Variants in ADGRV1 observed in about 807,000 individuals in gnomAD.
The protein encoded by ADGRV1 is G-protein coupled receptor 98.
Under a neutral mutation model 596.2 loss-of-function variants are expected in ADGRV1, and 359 were observed. That is an observed-to-expected ratio of 0.60 (90% confidence interval 0.55 to 0.66). The LOEUF (loss-of-function observed/expected upper bound fraction) is 0.66, where lower values mean the gene tolerates loss of function less well. Among genes scored for constraint, ADGRV1 ranks in the 30% least tolerant of loss-of-function variants. The probability of loss-of-function intolerance (pLI) is 0.00; values close to 1 mark genes in which losing one functional copy is unlikely to be tolerated. For missense variants in ADGRV1, 7,274 were observed against 7,575.6 expected, an observed-to-expected ratio of 0.96 and a Z score of 1.48; for synonymous variants, 2,681 against 2,679.2, an observed-to-expected ratio of 1.00 and a Z score of -0.02.
chr5:91,159,999 C>T (rs1363938941), intron 89 of ADGRV1, among the ~76,000 whole-genome samples: 1 of 152,194 alleles, frequency 6.6e-6, no homozygotes, highest in Non-Finnish European at 1.5e-5. Context: ...CTTTCTTCAG[C>T]GAGGGCTTCT....
chr5:90,609,817 C>A (rs1762527971), intron 1 of ADGRV1, among the ~76,000 whole-genome samples: 1 of 151,986 alleles, frequency 6.6e-6, no homozygotes, highest in Non-Finnish European at 1.5e-5. Context: ...TCATTCAATT[C>A]TGCACTAGTA....
Position 90,637,848 on chromosome 5 carries a change from G to A in ADGRV1, c.2140G>A (p.Val714Ile). 6.2e-7 allele frequency: 1 copy of A among 1,613,654 alleles called. No individual in the cohort carries two copies. Among genetic ancestry groups the A allele is most frequent in the Non-Finnish European group, 8.5e-7 (1 of 1,179,760 alleles). ...PDDIGPFNGS[V>I]LFLSGQSDTT... is the part of the protein sequence containing the mutation. Reference sequence around the variant, plus strand: ...TGATATAGGCCCCTTTAATGGCTCTGTTTTGTTTTTATCTGGGCAAAGTGA... The same window carrying A: ...TGATATAGGCCCCTTTAATGGCTCTATTTTGTTTTTATCTGGGCAAAGTGA... Residue 714 changes from valine to isoleucine, a missense_variant, in exon 11 of 90, where the codon GTT (valine) becomes ATT (isoleucine). Transcript: ENST00000405460.
At chr5:91,142,303 G>C (rs1397270973) in intron 87 of ADGRV1, among the ~76,000 whole-genome samples, 1 of 152,124 alleles carries the variant, frequency 6.6e-6, no homozygotes, top group African/African-American at 2.4e-5. Context: ...ACAGTGAACT[G>C]GACATGGTCT....
intron 50 of ADGRV1, among the ~76,000 whole-genome samples, chr5:90,735,865 G>C (rs1217431323): frequency 2.6e-5 from 4 of 152,196 alleles, no homozygotes. Flanking sequence ...AGTTCTAAGA[G>C]TTTGTTTTAA....
chr5:90,809,048 G>T, intron 73 of ADGRV1, among the ~76,000 whole-genome samples: 1 of 150,272 alleles, frequency 6.7e-6, no homozygotes. Context: ...CCGGGTTCAC[G>T]CCATTCTCCT....
chr5:90,669,273 G>A (rs1033906396), intron 21 of ADGRV1, among the ~76,000 whole-genome samples: 1 of 152,060 alleles, frequency 6.6e-6, no homozygotes, highest in Non-Finnish European at 1.5e-5. Flanking sequence ...TTGACACCTG[G>A]GTCTCAAGCT....
At chr5:90,823,961 A>T (rs1358785736) in intron 76 of ADGRV1, among the ~76,000 whole-genome samples, 1 of 152,188 alleles carries the variant, frequency 6.6e-6, no homozygotes, top group Non-Finnish European at 1.5e-5. Flanking sequence ...AAAGAAAAAA[A>T]TGTTTATCAT....
intron 85 of ADGRV1, among the ~76,000 whole-genome samples, chr5:91,010,311 A>G (rs1379429919): frequency 6.6e-6 from 1 of 152,124 alleles, no homozygotes; most frequent in African/African-American, 2.4e-5. Flanking sequence ...ATATGAGCAC[A>G]CATCTATCCA....
At chr5:90,946,859 T>C (rs983587569) in intron 83 of ADGRV1, among the ~76,000 whole-genome samples, 1 of 152,216 alleles carries the variant, frequency 6.6e-6, no homozygotes, top group Non-Finnish European at 1.5e-5. Flanking sequence ...TTATCCAGTC[T>C]ATCATTGATG....
intron 8 of ADGRV1, 75 bp downstream of exon 8, chr5:90,628,907 A>G (rs980486744): frequency 1.2e-5 from 16 of 1,350,576 alleles, no homozygotes; most frequent in South Asian, 1.5e-5. Context: ...GGTCATACAC[A>G]TCAACTTTAT....
intron 15 of ADGRV1, 128 bp downstream of exon 15, chr5:90,644,997 A>G (rs1460211516): frequency 4.5e-6 from 3 of 671,548 alleles, no homozygotes; most frequent in East Asian, 6.0e-5. Context: ...CAGGTGTGAC[A>G]GTGTCTGACC....
rs939075962 is a variant in ADGRV1, at chr5:90,720,201, A to G, written c.9601A>G (p.Ser3201Gly). Residue 3201 changes from serine to glycine, a missense_variant, in exon 44 of 90, where the codon AGT (serine) becomes GGT (glycine). Physicochemically the swap from Ser to Gly is moderately conservative, Grantham distance 56 (BLOSUM62 0). Around this residue, in one of 5 missense-constraint regions of ADGRV1, gnomAD observed 3,643 missense variants for 3,809.2 expected, o/e 0.96. Coordinates refer to ENST00000405460, the MANE Select transcript of ADGRV1 (RefSeq NM_032119.4). ...AAACCAGGCCCCTTTGGGGCTATTC[A>G]GTATCTCTGCAGTTGAAAATAGGTA... is the stretch of plus-strand genomic sequence containing the variant. Reference protein sequence around the residue: ...LQNQAPLGLFSISAVENRATS... With the variant: ...LQNQAPLGLFGISAVENRATS... The G allele has an allele frequency of 6.3e-7, 1 of 1,583,512 alleles. No individual in the cohort carries two copies. Among genetic ancestry groups the G allele is most frequent in the Admixed American group, 1.8e-5 (1 of 56,660 alleles).
At chr5:90,605,337 CCCGGGAGG>C (rs1460678435) in intron 1 of ADGRV1, among the ~76,000 whole-genome samples, 5 of 151,562 alleles carry the variant, frequency 3.3e-5, no homozygotes, top group Non-Finnish European at 7.4e-5. Flanking sequence ...ATCGCTTGAA[CCCGGGAGG>C]TGGAGGTTGC....
chr5:90,647,840 T>A, intron 17 of ADGRV1, 76 bp downstream of exon 17: 1 of 1,293,934 alleles, frequency 7.7e-7, no homozygotes, highest in Non-Finnish European at 1.1e-6. Context: ...TGCAGTCCAA[T>A]AATGAGGACA....
At chr5:90,796,102 G>A (rs1219149965) in intron 70 of ADGRV1, among the ~76,000 whole-genome samples, 1 of 152,136 alleles carries the variant, frequency 6.6e-6, no homozygotes, top group Non-Finnish European at 1.5e-5. Flanking sequence ...TGCTAGCAAG[G>A]GAACAAAACT....
rs749072587 is a variant in ADGRV1 at position 90,790,866 on chromosome 5, A to G, written c.14044-7A>G. ...TAACTTTGTTGAGTTTTTTTCTTTT[A>G]TTTTAGGTTTACTGGGAATTAAGTA... On this transcript the variant is annotated splice_polypyrimidine_tract_variant and splice_region_variant and intron_variant, in intron 69 of 89. Coordinates refer to ENST00000405460, the MANE Select transcript of ADGRV1 (RefSeq NM_032119.4). The G allele has an allele frequency of 6.4e-7, 1 of 1,566,290 alleles. No individual in the cohort carries two copies. Among genetic ancestry groups the G allele is most frequent in the Non-Finnish European group, 8.6e-7 (1 of 1,156,552 alleles).
intron 83 of ADGRV1, among the ~76,000 whole-genome samples, chr5:90,936,877 A>T (rs1775737089): frequency 6.6e-6 from 1 of 152,136 alleles, no homozygotes; most frequent in South Asian, 2.1e-4. Flanking sequence ...TTGGATAAAA[A>T]ATGTAATATG....
intron 85 of ADGRV1, among the ~76,000 whole-genome samples, chr5:91,064,215 C>T (rs1787689939): frequency 6.6e-6 from 1 of 152,166 alleles, no homozygotes; most frequent in South Asian, 2.1e-4. Context: ...GAAAATGTTA[C>T]AGTCCCTGTC....
chr5:91,147,176 T>TAAAAAAAAAAAAAAAAAAAA (rs57619661), intron 87 of ADGRV1, among the ~76,000 whole-genome samples: 1 of 100,818 alleles, frequency 9.9e-6, no homozygotes. Context: ...GACCTTGTCT[T>TAAAAAAAAAAAAAAAAAAAA]AAAAAAAAAA....
Sources: allele counts gnomAD v4.1 joint callset (sites outside exome capture counted in the v4.1 genomes callset), GRCh38; gene constraint gnomAD v4.1.1; regional missense constraint gnomAD v4.1.1; transcripts MANE v1.5; gene names NCBI Gene and HGNC (gene_info 2026-07-23, HGNC 2026-07-21).